TAFA5: variants seen among roughly 807,000 people sequenced by gnomAD.
TAFA5 encodes the protein chemokine-like protein TAFA-5.
A neutral mutation model predicts 15.3 loss-of-function variants in TAFA5; 6 were observed. The ratio of observed to expected loss-of-function variants is 0.39; its 90% confidence interval spans 0.21 to 0.77. The LOEUF (loss-of-function observed/expected upper bound fraction) is 0.77, where lower values mean the gene tolerates loss of function less well. Ranked by LOEUF, TAFA5 falls within the 30% of genes least tolerant of loss-of-function variation. The pLI is 0.41. For synonymous variants in TAFA5, 103 were observed against 80.7 expected, an observed-to-expected ratio of 1.28 and a Z score of -1.48; for missense variants, 161 against 193.1, an observed-to-expected ratio of 0.83 and a Z score of 0.98.
chr22:48,667,509 C>T (rs963950716), intron 2 of TAFA5, among the ~76,000 whole-genome samples: 4 of 152,190 alleles, frequency 2.6e-5, no homozygotes, highest in Non-Finnish European at 5.9e-5. Flanking sequence ...ACGTCTTCCA[C>T]GTGAGTGCCC....
Position 48,749,962 on chromosome 22 carries a change from T to C in TAFA5, c.*115T>C. 2 of 1,032,610 alleles carry C rather than the reference T, an allele frequency of 1.9e-6. No homozygotes were observed. Among genetic ancestry groups the C allele is most frequent in the Non-Finnish European group, 2.9e-6 (2 of 689,638 alleles). 64.0% of individuals were successfully genotyped at this position (1,032,610 alleles called of 1,614,324 possible). ...CACCCGTTCTCTGCCGCCCGCCCACTCCGTTTCCCTGTGGTCCGTGAAGGA... is the reference window on the plus strand; with the variant it reads ...CACCCGTTCTCTGCCGCCCGCCCACCCCGTTTCCCTGTGGTCCGTGAAGGA... On this transcript the variant is annotated 3_prime_UTR_variant, in exon 4 of 4. Transcript: ENST00000402357.
At chr22:48,584,828 C>G (rs566583711) in intron 1 of TAFA5, among the ~76,000 whole-genome samples, 1 of 149,280 alleles carries the variant, frequency 6.7e-6, no homozygotes, top group African/African-American at 2.5e-5. Context: ...CGCATACACA[C>G]GTATACAACA....
rs1436008887 is a variant in TAFA5, at chr22:48,745,208, T to C, written c.391-4631T>C. On this transcript the variant is annotated intron_variant, in intron 3 of 3. Coordinates refer to ENST00000402357, the MANE Select transcript of TAFA5 (RefSeq NM_001082967.3). ...AGCTTTGTCATCGGCAGCTGGCCTG[T>C]CCAGGGTTCACCCTGAGCATTGGCA... Among the ~76,000 whole-genome samples the C allele has an allele frequency of 1.8e-3, 266 of 151,678 alleles. 1 individual carries two copies. The highest frequency in any genetic ancestry group is 6.3e-3 in the African/African-American group (259 of 41,150).
intron 1 of TAFA5, among the ~76,000 whole-genome samples, chr22:48,520,395 C>T (rs1485421528): frequency 6.6e-6 from 1 of 152,248 alleles, no homozygotes; most frequent in Non-Finnish European, 1.5e-5. Flanking sequence ...CCACCGTGCA[C>T]GGGCTCACCC....
At chr22:48,582,857 ACACCACACG>A (rs1323233133) in intron 1 of TAFA5, among the ~76,000 whole-genome samples, 260 of 150,706 alleles carry the variant, frequency 1.7e-3, no homozygotes, top group African/African-American at 5.9e-3. Flanking sequence ...TACACCACAC[ACACCACACG>A]CAAAATACAC....
intron 1 of TAFA5, among the ~76,000 whole-genome samples, chr22:48,640,320 G>A (rs1926626349): frequency 6.6e-6 from 1 of 152,132 alleles, no homozygotes; most frequent in African/African-American, 2.4e-5. Context: ...TGGGCATGGG[G>A]GCATGCCAGC....
At chr22:48,534,279 T>G (rs713932) in intron 1 of TAFA5, among the ~76,000 whole-genome samples, 39,377 of 149,476 alleles carry the variant, frequency 0.26, 5,360 homozygotes, top group East Asian at 0.36. Context: ...GATCAGGCAA[T>G]TGCGGTGGGT....
chr22:48,687,929 G>C (rs902262727), intron 2 of TAFA5, among the ~76,000 whole-genome samples: 1 of 152,100 alleles, frequency 6.6e-6, no homozygotes, highest in Non-Finnish European at 1.5e-5. Flanking sequence ...TAAAAACTGC[G>C]GCTGCCTCTC....
At chr22:48,719,567 C>G (rs1929506235) in intron 3 of TAFA5, among the ~76,000 whole-genome samples, 1 of 141,522 alleles carries the variant, frequency 7.1e-6, no homozygotes, top group East Asian at 2.0e-4. Context: ...CCGAGGTGGC[C>G]TCAGGACTGC....
rs1423414431 is a variant in TAFA5, at chr22:48,577,086, A to G, written c.113-69511A>G. Reference sequence around the variant, plus strand: ...GGCCCAAGCCGCCTTCCAGAGACCCATAGGTTTGGGAAGCAGGGGCTTGGT... The same window carrying G: ...GGCCCAAGCCGCCTTCCAGAGACCCGTAGGTTTGGGAAGCAGGGGCTTGGT... On this transcript the variant is annotated intron_variant, in intron 1 of 3. Coordinates refer to ENST00000402357, the MANE Select transcript of TAFA5 (RefSeq NM_001082967.3). 2.6e-5 allele frequency among the ~76,000 whole-genome samples: 4 copies of G among 152,258 alleles called. No homozygotes were observed. In the East Asian group the frequency reaches 7.7e-4, roughly 29 times the overall value.
chr22:48,712,522 C>A (rs1054952549), intron 3 of TAFA5, among the ~76,000 whole-genome samples: 19 of 152,238 alleles, frequency 1.2e-4, no homozygotes, highest in Non-Finnish European at 2.9e-5. Flanking sequence ...CGCGCCTGGG[C>A]ACACAGGCTC....
Position 48,520,296 on chromosome 22 carries a change from C to T in TAFA5, c.112+30592C>T, listed in dbSNP as rs527475537. Among the ~76,000 whole-genome samples, 16 of 152,342 alleles carry T rather than the reference C, an allele frequency of 1.1e-4. No individual in the cohort carries two copies. The East Asian group carries it at 1.5e-3, about 15-fold the overall frequency. On this transcript the variant is annotated intron_variant, in intron 1 of 3. Transcript: ENST00000402357. Reference sequence around the variant, plus strand: ...GTTATGCCGACACAGGCCACTAACACGCCACCCTCGGGGTGTGAGGGTCCC... The same window carrying T: ...GTTATGCCGACACAGGCCACTAACATGCCACCCTCGGGGTGTGAGGGTCCC...
chr22:48,720,168 G>A (rs1324505548), intron 3 of TAFA5, among the ~76,000 whole-genome samples: 1 of 152,192 alleles, frequency 6.6e-6, no homozygotes, highest in Non-Finnish European at 1.5e-5. Flanking sequence ...CGGGGCTGGG[G>A]ATTTCCTGGT....
intron 3 of TAFA5, among the ~76,000 whole-genome samples, chr22:48,738,749 C>T (rs778063168): frequency 2.0e-5 from 3 of 152,316 alleles, no homozygotes; most frequent in East Asian, 1.9e-4. Flanking sequence ...ACCAGGCAGC[C>T]GCTGGGTCAG....
At chr22:48,692,943 G>A (rs1056136688) in intron 2 of TAFA5, among the ~76,000 whole-genome samples, 4 of 152,224 alleles carry the variant, frequency 2.6e-5, no homozygotes, top group Non-Finnish European at 5.9e-5. Flanking sequence ...GGCAGGAAGG[G>A]CATCGGCGGC....
chr22:48,634,667 A>G (rs1926380104), intron 1 of TAFA5, among the ~76,000 whole-genome samples: 1 of 142,846 alleles, frequency 7.0e-6, no homozygotes, highest in Non-Finnish European at 1.6e-5. Context: ...TCACTCACTC[A>G]CTGAGTCACT....
chr22:48,629,332 G>A lies in TAFA5; in HGVS notation c.113-17265G>A, dbSNP rs552112266. Among the ~76,000 whole-genome samples, 6 of 152,270 alleles carry A rather than the reference G, an allele frequency of 3.9e-5. 1 individual carries two copies. In the East Asian group the frequency reaches 7.8e-4, roughly 20 times the overall value. On this transcript the variant is annotated intron_variant, in intron 1 of 3. Coordinates refer to ENST00000402357, the MANE Select transcript of TAFA5 (RefSeq NM_001082967.3). ...AAGGACAGAGGCGGAACAACCCAGC[G>A]GCCCCTCCTCGTCCTGGCCTCGGCA... is the stretch of plus-strand genomic sequence containing the variant.
chr22:48,615,261 G>A (rs369003030), intron 1 of TAFA5, among the ~76,000 whole-genome samples: 111 of 152,282 alleles, frequency 7.3e-4, no homozygotes, highest in African/African-American at 2.6e-3. Flanking sequence ...CCCTGCCTTT[G>A]TGCCAGCAGA....
chr22:48,706,063 G>A (rs187992911), intron 2 of TAFA5, among the ~76,000 whole-genome samples: 14 of 152,372 alleles, frequency 9.2e-5, no homozygotes, highest in Non-Finnish European at 1.8e-4. Flanking sequence ...GGGGGCCATG[G>A]GGGCCACTCT....
Sources: gnomAD v4.1 joint callset for allele counts (sites outside exome capture counted in the v4.1 genomes callset) on GRCh38, gnomAD v4.1.1 for gene constraint, MANE v1.5 for transcripts, NCBI Gene and HGNC (gene_info 2026-07-23, HGNC 2026-07-21) for gene names.